The following TBC1D19 variants were observed in gnomAD, a reference collection of about 807,000 sequenced individuals.
TBC1D19 encodes TBC1 domain family, member 19.
A neutral mutation model predicts 89.0 loss-of-function variants in TBC1D19; 60 were observed. The ratio of observed to expected loss-of-function variants is 0.67; its 90% CI spans 0.55 to 0.84. TBC1D19 has a LOEUF of 0.84. TBC1D19 is among the 40% of genes least tolerant of loss of function. The probability of loss-of-function intolerance (pLI) is 0.00; values close to 1 mark genes in which losing one functional copy is unlikely to be tolerated. For missense variants in TBC1D19, 500 were observed against 610.8 expected, an observed-to-expected ratio of 0.82 and a Z score of 1.91; for synonymous variants, 189 against 199.7, an observed-to-expected ratio of 0.95 and a Z score of 0.45.
chr4:26,649,780 T>C (rs1744214069), intron 7 of TBC1D19, among the ~76,000 whole-genome samples: 2 of 152,260 alleles, frequency 1.3e-5, no homozygotes, highest in South Asian at 4.1e-4. Flanking sequence ...GTTACATATG[T>C]ATACATGTGC....
chr4:26,671,081 A>G (rs953977718), intron 9 of TBC1D19, among the ~76,000 whole-genome samples: 1 of 151,644 alleles, frequency 6.6e-6, no homozygotes, highest in Admixed American at 6.6e-5. Flanking sequence ...TAATTATCAT[A>G]GGATATGCAC....
downstream of TBC1D19, among the ~76,000 whole-genome samples, chr4:26,757,163 G>A (rs11724595): frequency 0.46 from 69,285 of 151,886 alleles, 17,563 homozygotes; most frequent in Admixed American, 0.6. Flanking sequence ...ACAGGCATGC[G>A]CCATAACACC....
At chr4:26,842,583 C>CCTTCCTTCCTTCCTTTCTTT in the TBC1D19 span, among the ~76,000 whole-genome samples, 2 of 70,610 alleles carry the variant, frequency 2.8e-5, no homozygotes. Flanking sequence ...TTCCTCCCTC[C>CCTTCCTTCCTTCCTTTCTTT]CTTTCTTTCT....
intron 11 of TBC1D19, among the ~76,000 whole-genome samples, chr4:26,680,279 A>G (rs1222867030): frequency 6.6e-6 from 1 of 152,218 alleles, no homozygotes; most frequent in East Asian, 1.9e-4. Context: ...CTTCTGGTTA[A>G]ACACTTTTAA....
chr4:26,613,386 C>G (rs1256784958), intron 2 of TBC1D19, 145 bp downstream of exon 2: 2 of 540,868 alleles, frequency 3.7e-6, no homozygotes, highest in African/African-American at 4.0e-5. Flanking sequence ...CAGCCTGAAG[C>G]CATGGTTTTT....
Position 26,755,240 on chromosome 4 carries a change from A to G in TBC1D19, c.*293A>G, listed in dbSNP as rs1165949236. 6.5e-6 allele frequency: 1 copy of G among 154,126 alleles called. No homozygotes were observed. The highest frequency in any genetic ancestry group is 1.4e-5 in the Non-Finnish European group (1 of 69,650). 9.5% of individuals were successfully genotyped at this position (154,126 alleles called of 1,614,324 possible). A position where few individuals can be genotyped will look rare whatever the true frequency, so the allele number is the denominator to read the frequency against. On this transcript the variant is annotated 3_prime_UTR_variant, in exon 21 of 21. Transcript: ENST00000264866. ...TATATAATCCTGACTTGTCAATGGC[A>G]TGTAATAATATATGCAATAAGAACT...
At chr4:26,695,025 G>A (rs188193119) in intron 13 of TBC1D19, among the ~76,000 whole-genome samples, 1 of 152,292 alleles carries the variant, frequency 6.6e-6, no homozygotes, top group Non-Finnish European at 1.5e-5. Flanking sequence ...CACCAGCAAC[G>A]GAAAAAAGCT....
chr4:26,761,777 G>A, the TBC1D19 span, among the ~76,000 whole-genome samples: 3 of 152,092 alleles, frequency 2.0e-5, no homozygotes, highest in Non-Finnish European at 2.9e-5. Flanking sequence ...TCTTGAATAA[G>A]TTTAACAAAT....
the TBC1D19 span, among the ~76,000 whole-genome samples, chr4:26,798,379 A>C: frequency 2.5e-3 from 380 of 152,310 alleles, 1 homozygote; most frequent in African/African-American, 8.7e-3. Context: ...CAGAATGGCT[A>C]TTATTAAAAA....
intron 15 of TBC1D19, among the ~76,000 whole-genome samples, chr4:26,731,077 C>G (rs561334110): frequency 1.3e-5 from 2 of 152,140 alleles, no homozygotes; most frequent in Non-Finnish European, 1.5e-5. Context: ...CATACGTAAG[C>G]GTACACAGGT....
At chr4:26,637,320 T>C (rs767158071) in intron 5 of TBC1D19, 35 bp downstream of exon 5, 20 of 1,474,878 alleles carry the variant, frequency 1.4e-5, no homozygotes, top group Admixed American at 1.8e-5. Context: ...AAGTATTTCA[T>C]TGTGAATCAA....
At chr4:26,648,475 G>C (rs1488500354) in intron 7 of TBC1D19, among the ~76,000 whole-genome samples, 1 of 152,142 alleles carries the variant, frequency 6.6e-6, no homozygotes, top group East Asian at 1.9e-4. Context: ...CTGGAGATTA[G>C]CATAACACTA....
chr4:26,605,474 T>C (rs950752320), intron 1 of TBC1D19, among the ~76,000 whole-genome samples: 2 of 152,004 alleles, frequency 1.3e-5, no homozygotes, highest in African/African-American at 4.8e-5. Context: ...TTGGGTTGGT[T>C]CCAAGTCTTT....
chr4:26,684,068 C>T (rs1172905849), intron 12 of TBC1D19, among the ~76,000 whole-genome samples: 1 of 151,950 alleles, frequency 6.6e-6, no homozygotes, highest in Non-Finnish European at 1.5e-5. Context: ...AAAGCAAAAC[C>T]GGATTATAAT....
At chr4:26,660,930 G>A (rs1745185616) in intron 8 of TBC1D19, among the ~76,000 whole-genome samples, 1 of 152,032 alleles carries the variant, frequency 6.6e-6, no homozygotes, top group Admixed American at 6.6e-5. Context: ...CACATTTCTG[G>A]TATGACCTAT....
At chr4:26,842,941 GAA>G in the TBC1D19 span, among the ~76,000 whole-genome samples, 1 of 152,138 alleles carries the variant, frequency 6.6e-6, no homozygotes. Context: ...GAAAAAGGAA[GAA>G]TTAAGTCTTC....
chr4:26,621,266 C>G (rs1474418890), intron 4 of TBC1D19, among the ~76,000 whole-genome samples: 1 of 152,048 alleles, frequency 6.6e-6, no homozygotes, highest in African/African-American at 2.4e-5. Flanking sequence ...AGCACATGCC[C>G]CTAGCTCTTT....
chr4:26,800,484 A>G, the TBC1D19 span, among the ~76,000 whole-genome samples: 388 of 152,286 alleles, frequency 2.5e-3, 2 homozygotes, highest in African/African-American at 9.0e-3. Context: ...ATGTGTCTTT[A>G]TAGCAGCATG....
At chr4:26,583,270 A>T (rs980872270), upstream of TBC1D19, among the ~76,000 whole-genome samples, 4 of 152,146 alleles carry the variant, frequency 2.6e-5, no homozygotes, top group African/African-American at 9.7e-5. Context: ...AGTTACTTTT[A>T]GTTCTGCTAA....
Sources: allele counts gnomAD v4.1 joint callset (sites outside exome capture counted in the v4.1 genomes callset), GRCh38; gene constraint gnomAD v4.1.1; transcripts MANE v1.5; gene names NCBI Gene and HGNC (gene_info 2026-07-23, HGNC 2026-07-21).